The following RNF121 variants were observed in gnomAD, a reference collection of about 807,000 sequenced individuals.
The protein encoded by RNF121 is ring finger protein 121, also known as E3 ubiquitin ligase RNF121.
A neutral mutation model predicts 46.5 loss-of-function variants in RNF121; 21 were observed. The ratio of observed to expected loss-of-function variants is 0.45; its 90% CI spans 0.32 to 0.65. The LOEUF (loss-of-function observed/expected upper bound fraction) is 0.65. RNF121 is among the 30% of genes least tolerant of loss of function. The pLI is 0.04. For missense variants in RNF121, 346 were observed against 416.0 expected (o/e 0.83, Z 1.46); for synonymous variants, 139 against 144.7 (o/e 0.96, Z 0.28).
intron 4 of RNF121, among the ~76,000 whole-genome samples, chr11:71,985,478 T>C (rs1239951414): frequency 1.3e-5 from 2 of 152,218 alleles, no homozygotes; most frequent in Non-Finnish European, 2.9e-5. Context: ...CGTGTCTCTC[T>C]CTTTTGTGAT....
At chr11:71,939,428 T>C in intron 1 of RNF121, 1 of 157,964 alleles carries the variant, frequency 6.3e-6, no homozygotes, top group Non-Finnish European at 1.4e-5. Flanking sequence ...GCAACTTCCC[T>C]CCACCCCTAT....
intron 3 of RNF121, among the ~76,000 whole-genome samples, chr11:71,976,481 G>A (rs1347943731): frequency 4.7e-5 from 7 of 148,900 alleles, no homozygotes; most frequent in East Asian, 2.0e-4. Flanking sequence ...TCAGCTTCCC[G>A]AGTAGCTGGG....
intron 1 of RNF121, among the ~76,000 whole-genome samples, chr11:71,941,840 G>A (rs1370545049): frequency 6.6e-6 from 1 of 152,090 alleles, no homozygotes; most frequent in African/African-American, 2.4e-5. Flanking sequence ...AAATGGTTCT[G>A]TATGAGGTCA....
At chr11:71,932,381 G>A (rs1014161858) in intron 1 of RNF121, among the ~76,000 whole-genome samples, 1 of 152,246 alleles carries the variant, frequency 6.6e-6, no homozygotes, top group African/African-American at 2.4e-5. Context: ...GGGAAGTACA[G>A]CTTCTGATCC....
At chr11:71,930,647 C>T (rs1469680328) in intron 1 of RNF121, among the ~76,000 whole-genome samples, 2 of 152,088 alleles carry the variant, frequency 1.3e-5, no homozygotes, top group East Asian at 3.9e-4. Context: ...TTACAGTTGG[C>T]TGTGGTTCAG....
At chr11:71,976,258 G>A (rs1954523952) in intron 3 of RNF121, among the ~76,000 whole-genome samples, 1 of 151,294 alleles carries the variant, frequency 6.6e-6, no homozygotes, top group Admixed American at 6.6e-5. Context: ...GTATAGTGTG[G>A]CCCCAAGCCC....
In RNF121 at chr11:71,934,006, A is replaced by G. The variant is rs962894827; in HGVS notation, c.63+4882A>G. Among the ~76,000 whole-genome samples, 5 of 152,128 alleles carry G rather than the reference A, an allele frequency of 3.3e-5. 1 individual carries two copies. Among genetic ancestry groups the G allele is most frequent in the South Asian group, 4.1e-4 (2 of 4,828 alleles). On this transcript the variant is annotated intron_variant, in intron 1 of 8. Transcript: ENST00000361756. ...CTCTAGCACTCTATGTACTGTTTCT[A>G]ATTACTTCCGGGCTTTGTTGGTGCT...
rs147153171 is a variant in RNF121, at chr11:71,949,174, T to C, written c.64-8053T>C. The stretch of plus-strand genomic sequence containing the variant: ...GGTTCACGCCTGTAATCCTAGCACT[T>C]TGGCAGGCTGGGGTGAGCGGGTCAC... On this transcript the variant is annotated intron_variant, in intron 1 of 8. Coordinates refer to ENST00000361756, the MANE Select transcript of RNF121 (RefSeq NM_018320.5). Among the ~76,000 whole-genome samples the C allele has an allele frequency of 1.1e-3, 174 of 152,258 alleles. 1 individual carries two copies. The highest frequency in any genetic ancestry group is 4.1e-3 in the African/African-American group (172 of 41,558).
intron 2 of RNF121, among the ~76,000 whole-genome samples, chr11:71,960,433 G>A (rs915312988): frequency 6.6e-6 from 1 of 152,226 alleles, no homozygotes; most frequent in African/African-American, 2.4e-5. Flanking sequence ...GGGCAATGAT[G>A]CAGGTTTCTC....
chr11:71,930,662 A>T (rs998303066), intron 1 of RNF121, among the ~76,000 whole-genome samples: 43 of 152,062 alleles, frequency 2.8e-4, no homozygotes, highest in African/African-American at 9.9e-4. Flanking sequence ...GTTCAGTGAG[A>T]TATATTTGAA....
intron 1 of RNF121, among the ~76,000 whole-genome samples, chr11:71,942,772 G>GTATATATATATATATATATATA: frequency 5.3e-5 from 1 of 18,966 alleles, no homozygotes; most frequent in East Asian, 8.2e-4. Context: ...CTATATATCT[G>GTATATATATATATATATATATA]TATATATATA....
chr11:71,930,101 G>A (rs559315876), intron 1 of RNF121, among the ~76,000 whole-genome samples: 1 of 152,332 alleles, frequency 6.6e-6, no homozygotes, highest in South Asian at 2.1e-4. Context: ...GAGTGTGAAA[G>A]GAATGAAGGG....
intron 3 of RNF121, among the ~76,000 whole-genome samples, chr11:71,966,477 T>C (rs1954280435): frequency 6.6e-6 from 1 of 152,162 alleles, no homozygotes; most frequent in East Asian, 1.9e-4. Context: ...TTTTAGTTCA[T>C]TTCTGATACT....
At chr11:71,931,885 C>T (rs1371886675) in intron 1 of RNF121, among the ~76,000 whole-genome samples, 1 of 152,078 alleles carries the variant, frequency 6.6e-6, no homozygotes, top group Non-Finnish European at 1.5e-5. Context: ...AATGTGGAGC[C>T]GAGATTATAA....
At chr11:71,957,796 A>G (rs1239360645) in intron 2 of RNF121, among the ~76,000 whole-genome samples, 2 of 152,208 alleles carry the variant, frequency 1.3e-5, no homozygotes, top group African/African-American at 4.8e-5. Context: ...TTTTGTAAAT[A>G]GAATGAGCCA....
At chr11:71,938,096 A>G (rs1953463971) in intron 1 of RNF121, among the ~76,000 whole-genome samples, 1 of 152,062 alleles carries the variant, frequency 6.6e-6, no homozygotes, top group Admixed American at 6.6e-5. Flanking sequence ...TCCTCCTTTC[A>G]CAGAGTGTTA....
At chr11:71,945,732 C>A (rs1176527728) in intron 1 of RNF121, among the ~76,000 whole-genome samples, 2 of 152,024 alleles carry the variant, frequency 1.3e-5, no homozygotes, top group Non-Finnish European at 2.9e-5. Flanking sequence ...AAACTGTTTG[C>A]AAATCATATA....
chr11:71,993,966 G>A (rs1954918786), intron 6 of RNF121, among the ~76,000 whole-genome samples: 1 of 150,596 alleles, frequency 6.6e-6, no homozygotes, highest in Non-Finnish European at 1.5e-5. Context: ...TCAGCCTCCT[G>A]AGTAGCTGGG....
intron 3 of RNF121, among the ~76,000 whole-genome samples, chr11:71,967,161 G>A (rs1038928549): frequency 3.3e-5 from 5 of 150,628 alleles, no homozygotes; most frequent in African/African-American, 9.7e-5. Flanking sequence ...GTGAGCCACC[G>A]CGCCCGGCCA....
Sources: allele counts gnomAD v4.1 joint callset (sites outside exome capture counted in the v4.1 genomes callset), GRCh38; gene constraint gnomAD v4.1.1; transcripts MANE v1.5; gene names NCBI Gene and HGNC (gene_info 2026-07-23, HGNC 2026-07-21).